C1QTNF3: variants seen among roughly 807,000 people sequenced by gnomAD.
C1QTNF3 encodes complement C1q tumor necrosis factor-related protein 3.
C1QTNF3 carries 26 observed loss-of-function variants against 32.6 expected under a neutral mutation model. The ratio of observed to expected loss-of-function variants is 0.80; its 90% CI spans 0.58 to 1.11. C1QTNF3 has a LOEUF of 1.11. C1QTNF3 is among the 50% of genes least tolerant of loss of function. C1QTNF3 has a pLI of 0.00. For missense variants in C1QTNF3, 362 were observed against 398.2 expected, an observed-to-expected ratio of 0.91 and a Z score of 0.77; for synonymous variants, 155 against 146.0, an observed-to-expected ratio of 1.06 and a Z score of -0.44.
chr5:34,027,735 C>CAAAAAAAAA (rs34375086), intron 4 of C1QTNF3, among the ~76,000 whole-genome samples: 7 of 81,048 alleles, frequency 8.6e-5, no homozygotes, highest in East Asian at 3.6e-4. Flanking sequence ...CCACCACCAC[C>CAAAAAAAAA]AAAAAAAAAA....
upstream of C1QTNF3, among the ~76,000 whole-genome samples, chr5:34,046,205 T>C (rs372988355): frequency 2.6e-4 from 39 of 152,338 alleles, no homozygotes; most frequent in Non-Finnish European, 4.6e-4. Context: ...TATATCTGTG[T>C]TTGTCCTGTA....
chr5:34,136,795 G>C, the C1QTNF3 span, among the ~76,000 whole-genome samples: 2 of 152,160 alleles, frequency 1.3e-5, no homozygotes, highest in Non-Finnish European at 2.9e-5. Context: ...GTGGCACATA[G>C]ACACCATGGA....
At chr5:34,213,810 T>TATATATATATATATATATATATATATA in the C1QTNF3 span, among the ~76,000 whole-genome samples, 1 of 13,648 alleles carries the variant, frequency 7.3e-5, no homozygotes, top group African/African-American at 2.2e-4. Context: ...TATATATATA[T>TATATATATATATATATATATATATATA]TTTTTTTTTT....
the C1QTNF3 span, among the ~76,000 whole-genome samples, chr5:34,050,534 C>G: frequency 6.6e-6 from 1 of 152,274 alleles, no homozygotes; most frequent in East Asian, 1.9e-4. Context: ...CTGATTAACA[C>G]CTGTCCTGGG....
the C1QTNF3 span, among the ~76,000 whole-genome samples, chr5:34,223,988 G>A: frequency 2.6e-5 from 4 of 151,958 alleles, no homozygotes; most frequent in East Asian, 1.9e-4. Context: ...AAAATCACAC[G>A]CATTTGTATA....
At chr5:34,033,577 T>A in intron 2 of C1QTNF3, 119 bp from the exon 3 acceptor site, 1 of 1,243,848 alleles carries the variant, frequency 8.0e-7, no homozygotes, top group Non-Finnish European at 1.2e-6. Context: ...ATCCCAAATA[T>A]AACCAAGGGG....
the C1QTNF3 span, among the ~76,000 whole-genome samples, chr5:34,203,135 A>T: frequency 6.6e-6 from 1 of 152,240 alleles, no homozygotes; most frequent in Non-Finnish European, 1.5e-5. Flanking sequence ...AAAACACATG[A>T]AAGTAGCAAA....
At chr5:34,240,804 A>G in the C1QTNF3 span, among the ~76,000 whole-genome samples, 1 of 152,202 alleles carries the variant, frequency 6.6e-6, no homozygotes. Flanking sequence ...AAAACCTGGC[A>G]GAGACGCAAA....
the C1QTNF3 span, among the ~76,000 whole-genome samples, chr5:34,116,209 T>C: frequency 2.6e-5 from 4 of 152,150 alleles, no homozygotes; most frequent in South Asian, 2.1e-4. Context: ...TAAAATTTCA[T>C]TGAGGTTGAA....
At chr5:34,122,776 A>C in the C1QTNF3 span, among the ~76,000 whole-genome samples, 1 of 151,062 alleles carries the variant, frequency 6.6e-6, no homozygotes, top group African/African-American at 2.4e-5. Flanking sequence ...GCTATTCATC[A>C]AAAATAATGA....
the C1QTNF3 span, among the ~76,000 whole-genome samples, chr5:34,153,883 A>C: frequency 1.3e-5 from 2 of 150,786 alleles, no homozygotes; most frequent in Admixed American, 6.6e-5. Context: ...AAACAAAAGC[A>C]AAACAAAGCA....
the C1QTNF3 span, among the ~76,000 whole-genome samples, chr5:34,056,818 T>C: frequency 1.3e-5 from 2 of 152,104 alleles, no homozygotes; most frequent in Non-Finnish European, 2.9e-5. Flanking sequence ...CCATGACTTT[T>C]ACATTCTAAT....
At chr5:34,223,891 T>C in the C1QTNF3 span, among the ~76,000 whole-genome samples, 1 of 152,060 alleles carries the variant, frequency 6.6e-6, no homozygotes, top group Admixed American at 6.6e-5. Context: ...TGATTGTATA[T>C]CTAGAAAACC....
intron 1 of C1QTNF3, among the ~76,000 whole-genome samples, chr5:34,036,258 T>A (rs1754733730): frequency 6.6e-6 from 1 of 152,242 alleles, no homozygotes; most frequent in African/African-American, 2.4e-5. Flanking sequence ...TTAGAAATTC[T>A]GAATAGTAAC....
At chr5:34,157,360 T>A in the C1QTNF3 span, among the ~76,000 whole-genome samples, 7 of 152,318 alleles carry the variant, frequency 4.6e-5, no homozygotes, top group South Asian at 1.5e-3. Flanking sequence ...AGATGCAGTA[T>A]GAACAAAATC....
chr5:34,033,194 T>C, intron 3 of C1QTNF3, 110 bp downstream of exon 3: 1 of 1,193,816 alleles, frequency 8.4e-7, no homozygotes, highest in Non-Finnish European at 1.2e-6. Flanking sequence ...AGACTCAGAT[T>C]TACTCAGGAT....
chr5:34,053,324 G>A, the C1QTNF3 span, among the ~76,000 whole-genome samples: 5 of 152,178 alleles, frequency 3.3e-5, no homozygotes, highest in South Asian at 2.1e-4. Flanking sequence ...TCTGGGGTTG[G>A]CATCCCAAAT....
the C1QTNF3 span, chr5:34,239,335 T>A: frequency 1.3e-5 from 2 of 152,148 alleles, no homozygotes; most frequent in Admixed American, 1.3e-4. Context: ...CCCACTTAAA[T>A]GACGTACAAT....
chr5:34,111,675 AGT>A, the C1QTNF3 span, among the ~76,000 whole-genome samples: 1 of 151,582 alleles, frequency 6.6e-6, no homozygotes. Context: ...AAAACTGAAG[AGT>A]GTTTTCTGCT....
Sources: allele counts gnomAD v4.1 joint callset (sites outside exome capture counted in the v4.1 genomes callset), GRCh38; gene constraint gnomAD v4.1.1; transcripts MANE v1.5; gene names NCBI Gene and HGNC (gene_info 2026-07-23, HGNC 2026-07-21).